The following MRPS28 variants were observed in gnomAD, a reference collection of about 807,000 sequenced individuals.
MRPS28 encodes the protein mitochondrial ribosomal protein S28, also known as small ribosomal subunit protein bS1m.
In MRPS28, 7 loss-of-function variants were observed where a neutral mutation model predicts 10.8. The ratio of observed to expected loss-of-function variants is 0.65; its 90% CI spans 0.37 to 1.22. The LOEUF (loss-of-function observed/expected upper bound fraction) is 1.22, where lower values mean the gene tolerates loss of function less well. Ranked by LOEUF, MRPS28 falls within the 50% of genes most tolerant of loss-of-function variation. The pLI, the probability that MRPS28 is intolerant of heterozygous loss-of-function variation, is 0.02. For synonymous variants in MRPS28, 121 were observed against 93.3 expected (o/e 1.30, Z -1.71); for missense variants, 265 against 232.9 (o/e 1.14, Z -0.90).
At chr8:80,007,622 C>A (rs956820266) in intron 1 of MRPS28, among the ~76,000 whole-genome samples, 1 of 151,940 alleles carries the variant, frequency 6.6e-6, no homozygotes, top group African/African-American at 2.4e-5. Flanking sequence ...TTCTTATACA[C>A]CAATAACAGA....
chr8:80,006,089 T>A (rs1808834336), intron 1 of MRPS28, among the ~76,000 whole-genome samples: 1 of 152,106 alleles, frequency 6.6e-6, no homozygotes, highest in Non-Finnish European at 1.5e-5. Context: ...GACAGAAAGT[T>A]AACAAGGATA....
Position 80,003,015 on chromosome 8 carries a change from G to C in MRPS28, c.379C>G (p.Pro127Ala). 6.3e-7 allele frequency: 1 copy of C among 1,587,658 alleles called. No homozygotes were observed. The highest frequency in any genetic ancestry group is 1.4e-5 in the African/African-American group (1 of 73,564). Residue 127 changes from proline to alanine, a missense_variant, in exon 2 of 3, where the codon CCA becomes GCA. Coordinates refer to ENST00000276585, the MANE Select transcript of MRPS28 (RefSeq NM_014018.3). ...TTTACTTACTCTCCATCCACTTCTG[G>C]TCTTCTACATACACAATGAAACTTT... ...GGKFHCVCRR[P>A]EVDGEKYQKG... is the part of the protein sequence containing the mutation.
Position 79,982,714 on chromosome 8 carries a change from G to A in MRPS28, c.395+20285C>T, listed in dbSNP as rs559177333. Among the ~76,000 whole-genome samples the A allele has an allele frequency of 1.6e-3, 240 of 152,260 alleles. 2 individuals carry two copies. Among genetic ancestry groups the A allele is most frequent in the African/African-American group, 5.4e-3 (224 of 41,576 alleles). ...CAAGGCGGCAGCGAGGCTGAGGGACGGGCACCCGCCATTGCCCAGGCTTGC... is the reference window on the plus strand; with the variant it reads ...CAAGGCGGCAGCGAGGCTGAGGGACAGGCACCCGCCATTGCCCAGGCTTGC... On this transcript the variant is annotated intron_variant, in intron 2 of 2. Coordinates refer to ENST00000276585, the MANE Select transcript of MRPS28 (RefSeq NM_014018.3).
intron 2 of MRPS28, among the ~76,000 whole-genome samples, chr8:79,986,286 G>A (rs549481110): frequency 6.6e-6 from 1 of 152,132 alleles, no homozygotes; most frequent in Non-Finnish European, 1.5e-5. Context: ...AAAATAATAA[G>A]AGCTATCTAT....
intron 2 of MRPS28, among the ~76,000 whole-genome samples, chr8:79,939,259 C>T (rs893690709): frequency 2.0e-5 from 3 of 152,216 alleles, no homozygotes; most frequent in Non-Finnish European, 2.9e-5. Flanking sequence ...CCAAGGAGCA[C>T]ACGGATTCCT....
chr8:79,989,895 T>C (rs1295126443), intron 2 of MRPS28, among the ~76,000 whole-genome samples: 1 of 152,178 alleles, frequency 6.6e-6, no homozygotes, highest in African/African-American at 2.4e-5. Context: ...GGCTCACACC[T>C]GTAATCCCAG....
At chr8:79,933,266 G>A (rs961959254) in intron 2 of MRPS28, among the ~76,000 whole-genome samples, 7 of 152,146 alleles carry the variant, frequency 4.6e-5, no homozygotes, top group Admixed American at 6.5e-5. Flanking sequence ...CTCTCTTCCC[G>A]GCTTGCAGAG....
At chr8:80,001,758 A>G (rs893841303) in intron 2 of MRPS28, among the ~76,000 whole-genome samples, 3 of 152,194 alleles carry the variant, frequency 2.0e-5, no homozygotes, top group Non-Finnish European at 4.4e-5. Context: ...TTCAGTTGAC[A>G]CCTGGTTTAT....
chr8:80,022,469 C>A (rs1001806491), intron 1 of MRPS28, among the ~76,000 whole-genome samples: 6 of 152,180 alleles, frequency 3.9e-5, no homozygotes, highest in African/African-American at 1.4e-4. Flanking sequence ...ACATTTATGT[C>A]CCTTCAGAGA....
chr8:80,030,057 C>T lies in MRPS28; in HGVS notation c.192G>A (p.Gln64=), dbSNP rs769758111. The T allele has an allele frequency of 6.2e-7, 1 of 1,613,588 alleles. No homozygotes were observed. The highest frequency in any genetic ancestry group is 1.3e-5 in the African/African-American group (1 of 75,046). The change falls in exon 1 of 3, where the codon CAG becomes CAA. Residue 64 remains glutamine (Q), a synonymous_variant. Transcript: ENST00000276585. ...SALERHSELL[Q]KVEPLQKGSP... is the part of the protein sequence containing the mutation. ...CCACCTTCTGTAGGGGCTCCACCTT[C>T]TGTAGAAGCTCCGAGTGCCGCTCCA...
chr8:79,992,077 A>G (rs1808382766), intron 2 of MRPS28, among the ~76,000 whole-genome samples: 1 of 152,192 alleles, frequency 6.6e-6, no homozygotes, highest in African/African-American at 2.4e-5. Context: ...CTAACTTGCC[A>G]GACATATGAG....
chr8:79,931,341 G>A (rs1806455929), intron 2 of MRPS28, among the ~76,000 whole-genome samples: 1 of 152,092 alleles, frequency 6.6e-6, no homozygotes, highest in South Asian at 2.1e-4. Flanking sequence ...CAAAATCTTG[G>A]AGCTTTCTAA....
intron 2 of MRPS28, among the ~76,000 whole-genome samples, chr8:79,971,838 C>T (rs1243933330): frequency 1.3e-5 from 2 of 152,224 alleles, no homozygotes; most frequent in Non-Finnish European, 2.9e-5. Flanking sequence ...GCTGGAACTA[C>T]AGGTGGGAGA....
Position 79,929,624 on chromosome 8 carries a change from A to G in MRPS28, c.396-10476T>C, listed in dbSNP as rs371995190. Among the ~76,000 whole-genome samples the G allele has an allele frequency of 2.3e-4, 34 of 150,612 alleles. No homozygotes were observed. The East Asian group carries it at 5.4e-3, about 24-fold the overall frequency. On this transcript the variant is annotated intron_variant, in intron 2 of 2. Transcript: ENST00000276585. ...ATATTGTATGCCCCCACCCCCCCAA[A>G]AGCAGAAATAAGACAAACGGGTAGA...
At chr8:79,975,246 G>A (rs1016114324) in intron 2 of MRPS28, among the ~76,000 whole-genome samples, 3 of 152,090 alleles carry the variant, frequency 2.0e-5, no homozygotes, top group African/African-American at 7.2e-5. Context: ...GCAGTGAGCT[G>A]TGGTCATGCT....
intron 1 of MRPS28, among the ~76,000 whole-genome samples, chr8:80,008,975 CAT>C (rs1398111715): frequency 1.2e-4 from 18 of 152,190 alleles, no homozygotes; most frequent in Non-Finnish European, 2.4e-4. Flanking sequence ...CACATGCACA[CAT>C]ATGTTTACTG....
chr8:79,994,884 G>A (rs1229216220), intron 2 of MRPS28, among the ~76,000 whole-genome samples: 1 of 152,034 alleles, frequency 6.6e-6, no homozygotes, highest in Non-Finnish European at 1.5e-5. Flanking sequence ...ATTCCCAGAA[G>A]AGGCAGCCTC....
intron 1 of MRPS28, among the ~76,000 whole-genome samples, chr8:80,027,652 G>T (rs182318579): frequency 3.1e-4 from 47 of 152,336 alleles, no homozygotes; most frequent in African/African-American, 1.1e-3. Context: ...GAAGTCAGTG[G>T]TATCAATTAA....
intron 2 of MRPS28, among the ~76,000 whole-genome samples, chr8:79,970,011 C>A (rs1444178864): frequency 6.6e-6 from 1 of 152,108 alleles, no homozygotes; most frequent in Non-Finnish European, 1.5e-5. Flanking sequence ...TAGCAATAAA[C>A]AAAAGAGTCA....
Sources: gnomAD v4.1 joint callset for allele counts (sites outside exome capture counted in the v4.1 genomes callset) on GRCh38, gnomAD v4.1.1 for gene constraint, MANE v1.5 for transcripts, NCBI Gene and HGNC (gene_info 2026-07-23, HGNC 2026-07-21) for gene names.